Variants in SNX29 observed in about 807,000 individuals in gnomAD.
The protein encoded by SNX29 is sorting nexin 29, also known as sorting nexin-29.
In SNX29, 78 loss-of-function variants were observed where a neutral mutation model predicts 102.1. The observed-to-expected ratio is 0.76, with a 90% CI of 0.64 to 0.92. The LOEUF (loss-of-function observed/expected upper bound fraction) is 0.92. Ranked by LOEUF, SNX29 falls within the 40% of genes least tolerant of loss-of-function variation. The probability of loss-of-function intolerance (pLI) is 0.00; values close to 1 mark genes in which losing one functional copy is unlikely to be tolerated. For synonymous variants in SNX29, 580 were observed against 414.5 expected, an observed-to-expected ratio of 1.40 and a Z score of -4.85; for missense variants, 1,280 against 1,061.7, an observed-to-expected ratio of 1.21 and a Z score of -2.86.
intron 16 of SNX29, among the ~76,000 whole-genome samples, chr16:12,363,888 C>A (rs1567481254): frequency 6.6e-6 from 1 of 152,096 alleles, no homozygotes. Flanking sequence ...CTGAGGTACT[C>A]CAAAATCCAA....
intron 19 of SNX29, among the ~76,000 whole-genome samples, chr16:12,523,929 C>T (rs546497298): frequency 3.9e-5 from 6 of 152,238 alleles, no homozygotes; most frequent in Admixed American, 2.6e-4. Flanking sequence ...TCTTGTTGCC[C>T]GGGCTGGAGT....
intron 15 of SNX29, among the ~76,000 whole-genome samples, chr16:12,297,924 C>A (rs139948183): frequency 1.4e-3 from 220 of 152,306 alleles, no homozygotes; most frequent in African/African-American, 5.1e-3. Flanking sequence ...AATCCCAGCA[C>A]TTTAGGAGGC....
intron 20 of SNX29, chr16:12,556,310 A>G (rs745576910): frequency 1.3e-5 from 2 of 152,216 alleles, no homozygotes; most frequent in East Asian, 1.9e-4. Flanking sequence ...TTGGTCTGCT[A>G]TAGACGAGCT....
chr16:12,394,965 C>T (rs965411057), intron 16 of SNX29, among the ~76,000 whole-genome samples: 30 of 152,090 alleles, frequency 2.0e-4, no homozygotes, highest in African/African-American at 6.8e-4. Flanking sequence ...GTGAGGGTAG[C>T]TCCAATGACA....
chr16:12,155,765 A>G (rs535090532), intron 13 of SNX29, among the ~76,000 whole-genome samples: 41 of 152,298 alleles, frequency 2.7e-4, no homozygotes, highest in Middle Eastern at 3.4e-3. Context: ...TGGAGAGTCT[A>G]CAACCACCAT....
At chr16:12,536,295 C>A (rs929991413) in intron 20 of SNX29, among the ~76,000 whole-genome samples, 1 of 151,978 alleles carries the variant, frequency 6.6e-6, no homozygotes, top group South Asian at 2.1e-4. Flanking sequence ...CTCACTAGCT[C>A]GTTCTGGGAA....
At chr16:12,079,927 T>G (rs970879808) in intron 11 of SNX29, among the ~76,000 whole-genome samples, 1 of 152,228 alleles carries the variant, frequency 6.6e-6, no homozygotes, top group African/African-American at 2.4e-5. Flanking sequence ...GGAAAAAAAT[T>G]ACAATGTTTT....
intron 16 of SNX29, among the ~76,000 whole-genome samples, chr16:12,382,229 A>G (rs12597111): frequency 0.37 from 56,840 of 152,014 alleles, 12,819 homozygotes; most frequent in East Asian, 0.58. Context: ...CCAGCAGGGA[A>G]GTCGTATTTC....
chr16:12,546,080 A>G (rs1447951200), intron 20 of SNX29, among the ~76,000 whole-genome samples: 1 of 152,196 alleles, frequency 6.6e-6, no homozygotes, highest in Non-Finnish European at 1.5e-5. Context: ...TTGAGTCCCC[A>G]GTCTCTCACT....
intron 19 of SNX29, among the ~76,000 whole-genome samples, chr16:12,500,977 CTG>C (rs1328893847): frequency 6.6e-6 from 1 of 152,178 alleles, no homozygotes; most frequent in Non-Finnish European, 1.5e-5. Flanking sequence ...GGCAGAGTGA[CTG>C]TGTGTTATGT....
chr16:12,161,552 A>C (rs2055785592), intron 13 of SNX29, among the ~76,000 whole-genome samples: 1 of 152,088 alleles, frequency 6.6e-6, no homozygotes, highest in African/African-American at 2.4e-5. Context: ...TGGGCATCTG[A>C]TACGGTTTGG....
chr16:12,489,865 G>A (rs2088453630), intron 19 of SNX29, among the ~76,000 whole-genome samples: 1 of 152,128 alleles, frequency 6.6e-6, no homozygotes, highest in African/African-American at 2.4e-5. Context: ...GAATGCAGTG[G>A]TGTGATCTTG....
At chr16:12,486,643 G>A (rs931090599) in intron 19 of SNX29, among the ~76,000 whole-genome samples, 1 of 152,236 alleles carries the variant, frequency 6.6e-6, no homozygotes, top group Non-Finnish European at 1.5e-5. Context: ...GGATCCTGGA[G>A]GCTGGACGGG....
intron 14 of SNX29, among the ~76,000 whole-genome samples, chr16:12,203,184 G>T (rs80256310): frequency 7.2e-6 from 1 of 139,358 alleles, no homozygotes; most frequent in African/African-American, 2.7e-5. Context: ...GACTGGTGGC[G>T]TTGGAGGTGA....
chr16:12,542,609 G>A (rs561860293), intron 20 of SNX29, among the ~76,000 whole-genome samples: 4 of 152,360 alleles, frequency 2.6e-5, no homozygotes, highest in Admixed American at 1.3e-4. Flanking sequence ...TGGGATTACA[G>A]GCGTGAGCCA....
chr16:11,987,350 G>T (rs977032933), intron 1 of SNX29, among the ~76,000 whole-genome samples: 2 of 150,774 alleles, frequency 1.3e-5, no homozygotes, highest in African/African-American at 4.9e-5. Context: ...AGTTACAAGC[G>T]TGAGCCACTG....
intron 14 of SNX29, among the ~76,000 whole-genome samples, chr16:12,221,496 T>G (rs78754018): frequency 4.6e-5 from 7 of 152,098 alleles, no homozygotes; most frequent in African/African-American, 1.7e-4. Context: ...CATCTGTAAT[T>G]GCAGCTACTT....
At chr16:11,986,393 C>T (rs1170131525) in intron 1 of SNX29, among the ~76,000 whole-genome samples, 104 of 130,014 alleles carry the variant, frequency 8.0e-4, no homozygotes, top group Admixed American at 3.8e-4. Flanking sequence ...AAAAAAAAAG[C>T]GAAAACCCAA....
chr16:12,448,846 C>G (rs571020371), intron 18 of SNX29, among the ~76,000 whole-genome samples: 7 of 152,292 alleles, frequency 4.6e-5, no homozygotes, highest in South Asian at 2.1e-4. Flanking sequence ...CCATTTTCTT[C>G]TAACTAAGCA....
Sources: gnomAD v4.1 joint callset for allele counts (sites outside exome capture counted in the v4.1 genomes callset) on GRCh38, gnomAD v4.1.1 for gene constraint, MANE v1.5 for transcripts, NCBI Gene and HGNC (gene_info 2026-07-23, HGNC 2026-07-21) for gene names.